Variants in FBXO10 observed in about 807,000 individuals in gnomAD.
The protein encoded by FBXO10 is F-box only protein 10.
In FBXO10, 39 loss-of-function variants were observed where a neutral mutation model predicts 80.7. The ratio of observed to expected loss-of-function variants is 0.48; its 90% CI spans 0.37 to 0.63. The LOEUF is 0.63. Among genes scored for constraint, FBXO10 ranks in the 30% least tolerant of loss-of-function variants. FBXO10 has a pLI of 0.00. For missense variants in FBXO10, 1,025 were observed against 1,269.0 expected (o/e 0.81, Z 2.92); for synonymous variants, 449 against 489.6 (o/e 0.92, Z 1.09).
intron 1 of FBXO10, among the ~76,000 whole-genome samples, chr9:37,564,343 G>A (rs750296178): frequency 2.3e-4 from 35 of 152,190 alleles, no homozygotes; most frequent in Non-Finnish European, 4.1e-4. Context: ...CAGTATAGAA[G>A]GGAAATGTGG....
At chr9:37,530,093 G>C (rs1821580428) in intron 4 of FBXO10, among the ~76,000 whole-genome samples, 1 of 152,124 alleles carries the variant, frequency 6.6e-6, no homozygotes, top group African/African-American at 2.4e-5. Flanking sequence ...CCAGTTAGTT[G>C]CTTTTGCACA....
intron 1 of FBXO10, among the ~76,000 whole-genome samples, chr9:37,554,373 G>T (rs997696924): frequency 6.6e-6 from 1 of 152,140 alleles, no homozygotes; most frequent in African/African-American, 2.4e-5. Context: ...TAATTCGATG[G>T]AGGCTCATCC....
At chr9:37,570,224 T>G (rs7018980) in intron 1 of FBXO10, among the ~76,000 whole-genome samples, 83,802 of 151,886 alleles carry the variant, frequency 0.55, 23,922 homozygotes, top group African/African-American at 0.71. Context: ...GGAGGCAGGA[T>G]AATCCCTTGA....
At chr9:37,567,657 T>C (rs1822643976) in intron 1 of FBXO10, among the ~76,000 whole-genome samples, 2 of 152,294 alleles carry the variant, frequency 1.3e-5, no homozygotes, top group Admixed American at 1.3e-4. Flanking sequence ...GGAACCCCAG[T>C]ACTCCAAGAA....
At chr9:37,559,109 G>GA (rs925492499) in intron 1 of FBXO10, among the ~76,000 whole-genome samples, 1 of 152,120 alleles carries the variant, frequency 6.6e-6, no homozygotes, top group Middle Eastern at 3.4e-3. Flanking sequence ...GCGCCTGGCC[G>GA]AAAAAAGAAA....
At position 37,512,422 on chromosome 9, in the gene FBXO10, T is replaced by G; in HGVS notation, c.*125A>C. 9.9e-7 allele frequency: 1 copy of G among 1,008,304 alleles called. No individual in the cohort carries two copies. The allele number at this position is 1,008,304 out of a possible 1,614,324, so 62.5% of individuals were successfully genotyped here. A position where few individuals can be genotyped will look rare whatever the true frequency, so the allele number is the denominator to read the frequency against. On this transcript the variant is annotated 3_prime_UTR_variant, in exon 11 of 11. Transcript: ENST00000432825. ...GCTGAAGTGTTCTGGAGGTACCGTGTTTTGGAGGCCCGGGACCCATTTGTT... is the reference window on the plus strand; with the variant it reads ...GCTGAAGTGTTCTGGAGGTACCGTGGTTTGGAGGCCCGGGACCCATTTGTT...
At position 37,541,233 on chromosome 9, in the gene FBXO10, A is replaced by G. The variant is rs1223913789; in HGVS notation, c.536T>C (p.Leu179Pro). The G allele has an allele frequency of 6.2e-7, 1 of 1,613,014 alleles. No individual in the cohort carries two copies. The highest frequency in any genetic ancestry group is 8.5e-7 in the Non-Finnish European group (1 of 1,179,430). The stretch of plus-strand genomic sequence containing the variant: ...GGCTGGCGTGAAGACGAGGTTGCAC[A>G]GGCGTGTGGTTGAGCAGTGCTGATC... ...SIDQHCSTTRLCNLVFTPAWF... is the reference protein window; with the variant it reads ...SIDQHCSTTRPCNLVFTPAWF... Residue 179 changes from leucine (L) to proline (P), a missense_variant, in exon 2 of 11, where the codon CTG becomes CCG. Around this residue, in one of 3 missense-constraint regions of FBXO10, gnomAD observed 450 missense variants for 499.4 expected, o/e 0.90. Transcript: ENST00000432825.
intron 3 of FBXO10, among the ~76,000 whole-genome samples, chr9:37,535,500 C>T (rs998671075): frequency 5.9e-5 from 9 of 151,970 alleles, no homozygotes; most frequent in African/African-American, 1.2e-4. Context: ...TACAAGTGCC[C>T]GCTGCCATGC....
At position 37,531,962 on chromosome 9, in the gene FBXO10, G is replaced by C; in HGVS notation, c.1516C>G (p.His506Asp). The stretch of plus-strand genomic sequence containing the variant: ...ATGTCTACACCAGCCTCTGCATTGT[G>C]GTAAATGTTGTTGCCGGCAATCAAG... ...GGLIAGNNIY[H>D]NAEAGVDIRK... is the part of the protein sequence containing the mutation. The change falls in exon 4 of 11, where the codon CAC becomes GAC. Residue 506 changes from histidine (H) to aspartate (D), a missense_variant. His to Asp is a moderately conservative substitution (Grantham distance 81). Around this residue, in one of 3 missense-constraint regions of FBXO10, gnomAD observed 478 missense variants for 667.8 expected, o/e 0.72. Coordinates refer to ENST00000432825, the MANE Select transcript of FBXO10 (RefSeq NM_012166.3). 6.2e-7 allele frequency: 1 copy of C among 1,613,990 alleles called. No homozygotes were observed. The highest frequency in any genetic ancestry group is 8.5e-7 in the Non-Finnish European group (1 of 1,179,878).
At chr9:37,570,926 G>A (rs1243992697) in intron 1 of FBXO10, among the ~76,000 whole-genome samples, 9 of 151,726 alleles carry the variant, frequency 5.9e-5, no homozygotes, top group South Asian at 2.1e-4. Context: ...ACCGGAAGGC[G>A]GAGGTTGCAG....
At chr9:37,519,993 G>GA (rs1002984268) in intron 8 of FBXO10, among the ~76,000 whole-genome samples, 9 of 151,914 alleles carry the variant, frequency 5.9e-5, no homozygotes, top group Admixed American at 3.3e-4. Context: ...CAGCTAATCT[G>GA]AAAAAAATTT....
At chr9:37,543,867 C>G (rs1821985333) in intron 1 of FBXO10, among the ~76,000 whole-genome samples, 1 of 152,190 alleles carries the variant, frequency 6.6e-6, no homozygotes, top group Admixed American at 6.5e-5. Flanking sequence ...TGGTGGCTCA[C>G]GCCTGTAATC....
rs771075243 is a variant in FBXO10 at position 37,537,540 on chromosome 9, C to G, written c.989G>C (p.Gly330Ala). ...TSPASSSPKPGSKAGSQEAEV... is the reference protein window; with the variant it reads ...TSPASSSPKPASKAGSQEAEV... ...TGCCTCCTGTGAGCCAGCCTTGGAGCCTGGCTTTGGGGAGCTAGAGGCTGG... is the reference window on the plus strand; with the variant it reads ...TGCCTCCTGTGAGCCAGCCTTGGAGGCTGGCTTTGGGGAGCTAGAGGCTGG... Residue 330 changes from glycine to alanine, a missense_variant, in exon 3 of 11, where the codon GGC (glycine) becomes GCC (alanine). Coordinates refer to ENST00000432825, the MANE Select transcript of FBXO10 (RefSeq NM_012166.3). The G allele has an allele frequency of 6.2e-7, 1 of 1,613,180 alleles. No individual in the cohort carries two copies. The highest frequency in any genetic ancestry group is 8.5e-7 in the Non-Finnish European group (1 of 1,179,582).
Position 37,537,923 on chromosome 9 carries a change from C to G in FBXO10, c.606G>C (p.Gln202His). 1 of 1,613,252 alleles carries G rather than the reference C, an allele frequency of 6.2e-7. No individual in the cohort carries two copies. The highest frequency in any genetic ancestry group is 8.5e-7 in the Non-Finnish European group (1 of 1,179,580). ...CGTTCTCAAAGTTGCAGTTGTCAAACTGGACGTGACCTGATGTTGTCTGGG... is the reference window on the plus strand; with the variant it reads ...CGTTCTCAAAGTTGCAGTTGTCAAAGTGGACGTGACCTGATGTTGTCTGGG... The part of the protein sequence containing the change: ...IMYKTTSGHV[Q>H]FDNCNFENGH... The change falls in exon 3 of 11, where the codon CAG becomes CAC. Residue 202 changes from glutamine (Q) to histidine (H), a missense_variant. Physicochemically the swap from Gln to His is conservative, Grantham distance 24. This residue lies in a region of FBXO10 where 450 missense variants were observed against 499.4 expected (regional missense o/e 0.90). Coordinates refer to ENST00000432825, the MANE Select transcript of FBXO10 (RefSeq NM_012166.3).
At chr9:37,535,798 G>C (rs1238981718) in intron 3 of FBXO10, among the ~76,000 whole-genome samples, 1 of 152,114 alleles carries the variant, frequency 6.6e-6, no homozygotes, top group Non-Finnish European at 1.5e-5. Flanking sequence ...AGGGTGAAAG[G>C]GTGTGTCTCC....
In FBXO10 at chr9:37,512,557, G is replaced by C. The variant is rs778066854; in HGVS notation, c.2861C>G (p.Thr954Ser). Residue 954 changes from threonine (T) to serine (S), a missense_variant, in exon 11 of 11, where the codon ACC becomes AGC. Physicochemically the swap from Thr to Ser is moderately conservative, Grantham distance 58. Transcript: ENST00000432825. ...GYHSNRSVFCTIL is the reference protein window; with the variant it reads ...GYHSNRSVFCSIL ...AGCAGGTCTGTGTCCTCACAGGATG[G>C]TGCAGAAGACACTGCGGTTGCTGTG... 3.1e-6 allele frequency: 5 copies of C among 1,613,706 alleles called. No individual in the cohort carries two copies. The highest frequency in any genetic ancestry group is 4.2e-6 in the Non-Finnish European group (5 of 1,179,712).
intron 6 of FBXO10, among the ~76,000 whole-genome samples, chr9:37,523,625 A>G (rs1169257564): frequency 6.6e-6 from 1 of 152,176 alleles, no homozygotes; most frequent in East Asian, 1.9e-4. Flanking sequence ...CAAAAAGGAA[A>G]CAAAACAAAG....
At chr9:37,514,833 C>CTAAATAAA (rs36025064) in intron 10 of FBXO10, among the ~76,000 whole-genome samples, 3 of 151,676 alleles carry the variant, frequency 2.0e-5, no homozygotes, top group East Asian at 1.9e-4. Context: ...GACTTGGTCT[C>CTAAATAAA]TAAATAAATA....
intron 3 of FBXO10, among the ~76,000 whole-genome samples, chr9:37,534,156 T>A (rs1000349190): frequency 6.6e-6 from 1 of 151,940 alleles, no homozygotes; most frequent in Non-Finnish European, 1.5e-5. Context: ...CAATTATAGA[T>A]TAATAATAAA....
Sources: gnomAD v4.1 joint callset for allele counts (sites outside exome capture counted in the v4.1 genomes callset) on GRCh38, gnomAD v4.1.1 for gene constraint, gnomAD v4.1.1 regional missense constraint, MANE v1.5 for transcripts, NCBI Gene and HGNC (gene_info 2026-07-23, HGNC 2026-07-21) for gene names.